The following LRRC4C variants were observed in gnomAD, a reference collection of about 807,000 sequenced individuals.
The protein encoded by LRRC4C is leucine rich repeat containing 4C, also known as leucine-rich repeat-containing protein 4C.
Under a neutral mutation model 33.6 loss-of-function variants are expected in LRRC4C, and 5 were observed. That is an observed-to-expected ratio of 0.15 (90% confidence interval 0.08 to 0.31). The LOEUF (loss-of-function observed/expected upper bound fraction) is 0.31, where lower values mean the gene tolerates loss of function less well. Among genes scored for constraint, LRRC4C ranks in the 10% least tolerant of loss-of-function variants. LRRC4C has a pLI of 1.00. For synonymous variants in LRRC4C, 329 were observed against 302.0 expected (o/e 1.09, Z -0.93); for missense variants, 560 against 796.7 (o/e 0.70, Z 3.58).
Position 40,627,255 on chromosome 11 carries a change from G to C in LRRC4C, c.-270+20887C>G, listed in dbSNP as rs554842224. Among the ~76,000 whole-genome samples the C allele has an allele frequency of 3.2e-3, 356 of 112,104 alleles. 4 individuals are homozygous for C. Among genetic ancestry groups the C allele is most frequent in the African/African-American group, 0.013 (346 of 26,532 alleles). 73.5% of individuals were successfully genotyped at this position (112,104 alleles called of 152,430 possible). A position where few individuals can be genotyped will look rare whatever the true frequency, so the allele number is the denominator to read the frequency against. ...CAAAAGCAAGCTGTGTTTCCCATTA[G>C]AGAGAGAGAGAGAGAGAGAGCGAGA... On this transcript the variant is annotated intron_variant, in intron 3 of 6. Coordinates refer to ENST00000528697, the MANE Select transcript of LRRC4C (RefSeq NM_001258419.2).
intron 2 of LRRC4C, among the ~76,000 whole-genome samples, chr11:40,737,204 T>C (rs1591591158): frequency 1.3e-5 from 2 of 152,274 alleles, no homozygotes; most frequent in South Asian, 2.1e-4. Flanking sequence ...AAACTAGGTA[T>C]TGATGGAATG....
chr11:41,108,738 T>A (rs970278461), intron 1 of LRRC4C, among the ~76,000 whole-genome samples: 12 of 152,142 alleles, frequency 7.9e-5, no homozygotes, highest in Non-Finnish European at 1.6e-4. Flanking sequence ...TCTAAAAGAT[T>A]CTAATTATTT....
rs1316071758 is a variant in LRRC4C, at chr11:40,510,085, C to G, written c.-270+138057G>C. ...ATGCACTGGAATCACCTCAGGGGTT[C>G]TTGTTTTACATTTTAATTACTTACA... On this transcript the variant is annotated intron_variant, in intron 3 of 6. Transcript: ENST00000528697. 2.0e-5 allele frequency among the ~76,000 whole-genome samples: 3 copies of G among 151,998 alleles called. No individual in the cohort carries two copies. In the East Asian group the frequency reaches 5.8e-4, roughly 29 times the overall value.
In LRRC4C at chr11:40,212,473, A is replaced by T. The variant is rs1280079959; in HGVS notation, c.-96+29046T>A. Among the ~76,000 whole-genome samples, 4 of 107,346 alleles carry T rather than the reference A, an allele frequency of 3.7e-5. 1 individual carries two copies. The highest frequency in any genetic ancestry group is 8.8e-4 in the South Asian group (2 of 2,264). The allele number at this position is 107,346 out of a possible 152,430, so 70.4% of individuals were successfully genotyped here. ...GGCAAGACAAACACAAGCAAAATTA[A>T]AAAAAAAAAAAACTATAGGAATATT... On this transcript the variant is annotated intron_variant, in intron 5 of 6. Coordinates refer to ENST00000528697, the MANE Select transcript of LRRC4C (RefSeq NM_001258419.2).
At chr11:41,318,073 C>T (rs904454990) in intron 1 of LRRC4C, among the ~76,000 whole-genome samples, 22 of 151,900 alleles carry the variant, frequency 1.4e-4, no homozygotes, top group African/African-American at 4.8e-4. Context: ...TAATATTGAA[C>T]AACATAAAGA....
chr11:40,750,289 C>T (rs1948618330), intron 2 of LRRC4C, among the ~76,000 whole-genome samples: 1 of 152,062 alleles, frequency 6.6e-6, no homozygotes, highest in East Asian at 1.9e-4. Flanking sequence ...TAATGAAAAA[C>T]TAATAGCAAT....
At position 41,320,516 on chromosome 11, in the gene LRRC4C, G is replaced by A. The variant is rs114317091; in HGVS notation, c.-496+138915C>T. 8.9e-3 allele frequency among the ~76,000 whole-genome samples: 1,350 copies of A among 152,142 alleles called. 18 individuals carry two copies. The highest frequency in any genetic ancestry group is 0.03 in the African/African-American group (1,265 of 41,482). On this transcript the variant is annotated intron_variant, in intron 1 of 6. Transcript: ENST00000528697. ...CACTGGTCCTTTTCATCAGCTCCACGTAACACACACATACATTTGCCAAAG... is the reference window on the plus strand; with the variant it reads ...CACTGGTCCTTTTCATCAGCTCCACATAACACACACATACATTTGCCAAAG...
intron 1 of LRRC4C, among the ~76,000 whole-genome samples, chr11:40,977,992 G>A (rs1356849408): frequency 6.6e-6 from 1 of 152,162 alleles, no homozygotes; most frequent in Non-Finnish European, 1.5e-5. Flanking sequence ...TATTGTCATG[G>A]CCACCTAATT....
intron 1 of LRRC4C, among the ~76,000 whole-genome samples, chr11:41,195,948 TC>T (rs1161363513): frequency 1.3e-5 from 2 of 152,078 alleles, no homozygotes; most frequent in African/African-American, 4.8e-5. Context: ...TCATCTACTT[TC>T]TGCTCAAGGA....
At chr11:41,400,587 T>TC (rs1953987700) in intron 1 of LRRC4C, among the ~76,000 whole-genome samples, 2 of 151,164 alleles carry the variant, frequency 1.3e-5, no homozygotes, top group Admixed American at 1.3e-4. Context: ...GGAGATATTT[T>TC]TTTAATGCTG....
In LRRC4C at chr11:40,307,248, GGAT is replaced by G. The variant is rs1945085334; in HGVS notation, c.-176+12377_-176+12379del. Among the ~76,000 whole-genome samples, 3 of 152,154 alleles carry G rather than the reference GGAT, an allele frequency of 2.0e-5. 1 individual carries two copies. The highest frequency in any genetic ancestry group is 7.2e-5 in the African/African-American group (3 of 41,486). ...TCCACTGAAAACCACTAGGGTGTTGGGATGAGTAAATTAGATAGTTTTAAATAC... is the reference window on the plus strand; with the variant it reads ...TCCACTGAAAACCACTAGGGTGTTGGGAGTAAATTAGATAGTTTTAAATAC... On this transcript the variant is annotated intron_variant, in intron 4 of 6. Transcript: ENST00000528697.
intron 3 of LRRC4C, among the ~76,000 whole-genome samples, chr11:40,533,355 A>T (rs1421719731): frequency 6.6e-6 from 1 of 152,156 alleles, no homozygotes; most frequent in Non-Finnish European, 1.5e-5. Flanking sequence ...AACTTCATTT[A>T]TAAACTACCA....
At chr11:41,145,851 T>A (rs1259288280) in intron 1 of LRRC4C, among the ~76,000 whole-genome samples, 1 of 152,174 alleles carries the variant, frequency 6.6e-6, no homozygotes, top group Non-Finnish European at 1.5e-5. Flanking sequence ...ATTTAATAGT[T>A]TCCACGGTGA....
At chr11:41,075,623 C>A (rs2135451725) in intron 1 of LRRC4C, among the ~76,000 whole-genome samples, 1 of 152,246 alleles carries the variant, frequency 6.6e-6, no homozygotes, top group East Asian at 1.9e-4. Flanking sequence ...ACAGCTGAGA[C>A]AAATTTTTAA....
At chr11:40,904,526 G>C (rs909444496) in intron 2 of LRRC4C, among the ~76,000 whole-genome samples, 1 of 152,124 alleles carries the variant, frequency 6.6e-6, no homozygotes, top group African/African-American at 2.4e-5. Context: ...AGAAGAGGGG[G>C]AAATCTACCC....
chr11:40,688,684 A>G (rs1168798887), intron 2 of LRRC4C, among the ~76,000 whole-genome samples: 1 of 152,090 alleles, frequency 6.6e-6, no homozygotes, highest in African/African-American at 2.4e-5. Context: ...AATGCTGTGG[A>G]AAACTTTTTA....
intron 4 of LRRC4C, among the ~76,000 whole-genome samples, chr11:40,296,212 A>C (rs1431246705): frequency 6.6e-6 from 1 of 152,190 alleles, no homozygotes; most frequent in Non-Finnish European, 1.5e-5. Flanking sequence ...CTTCCCCTTC[A>C]GCAGCTACAG....
At chr11:41,312,548 G>C (rs1228557763) in intron 1 of LRRC4C, among the ~76,000 whole-genome samples, 1 of 152,166 alleles carries the variant, frequency 6.6e-6, no homozygotes, top group Admixed American at 6.5e-5. Context: ...CATATGAATT[G>C]ATGAGATTAG....
intron 3 of LRRC4C, among the ~76,000 whole-genome samples, chr11:40,612,683 A>G (rs1961354297): frequency 6.6e-6 from 1 of 152,036 alleles, no homozygotes; most frequent in Non-Finnish European, 1.5e-5. Flanking sequence ...ACAGAACACT[A>G]TCCATATGCA....
Sources: gnomAD v4.1 joint callset for allele counts (sites outside exome capture counted in the v4.1 genomes callset) on GRCh38, gnomAD v4.1.1 for gene constraint, MANE v1.5 for transcripts, NCBI Gene and HGNC (gene_info 2026-07-23, HGNC 2026-07-21) for gene names.